SUSD6: variants seen among roughly 807,000 people sequenced by gnomAD.
SUSD6 encodes the protein sushi domain-containing protein 6.
In SUSD6, 16 loss-of-function variants were observed where a neutral mutation model predicts 28.4. The observed-to-expected ratio is 0.56, with a 90% CI of 0.38 to 0.86. The LOEUF is 0.86. Among genes scored for constraint, SUSD6 ranks in the 40% least tolerant of loss-of-function variants. The probability of loss-of-function intolerance (pLI) is 0.00; values close to 1 mark genes in which losing one functional copy is unlikely to be tolerated. For synonymous variants in SUSD6, 147 were observed against 159.6 expected (o/e 0.92, Z 0.59); for missense variants, 341 against 384.2 (o/e 0.89, Z 0.94).
chr14:69,638,802 G>A (rs1885303773), intron 1 of SUSD6, among the ~76,000 whole-genome samples: 1 of 152,144 alleles, frequency 6.6e-6, no homozygotes, highest in African/African-American at 2.4e-5. Flanking sequence ...AGGCAAGACA[G>A]GGGCTAGTCA....
intron 2 of SUSD6, among the ~76,000 whole-genome samples, chr14:69,661,260 G>A (rs1232159399): frequency 6.6e-6 from 1 of 152,034 alleles, no homozygotes; most frequent in East Asian, 1.9e-4. Flanking sequence ...CCTCCCTTTT[G>A]TTGGCTTCAT....
intron 5 of SUSD6, 92 bp from the exon 6 acceptor site, chr14:69,710,862 T>TC (rs1886451788): frequency 3.6e-5 from 44 of 1,214,356 alleles, no homozygotes; most frequent in Non-Finnish European, 4.9e-5. Flanking sequence ...TTAGGGGCTA[T>TC]GTAGGATAGC....
rs1450133271 is a variant in SUSD6 at position 69,642,443 on chromosome 14, G to A, written c.-80-16070G>A. Among the ~76,000 whole-genome samples the A allele has an allele frequency of 2.0e-5, 3 of 152,254 alleles. No individual in the cohort carries two copies. The East Asian group carries it at 5.8e-4, about 29-fold the overall frequency. The stretch of plus-strand genomic sequence containing the variant: ...CAAGACTGGGAAGAAAAAGAGGTTT[G>A]ATTGGACTTACAGTTCCACATGGCT... On this transcript the variant is annotated intron_variant, in intron 1 of 5. Transcript: ENST00000342745.
chr14:69,630,689 GA>G (rs3837665), intron 1 of SUSD6, among the ~76,000 whole-genome samples: 4,278 of 151,294 alleles, frequency 0.028, 77 homozygotes, highest in Middle Eastern at 0.068. Context: ...AAAAAAAAAA[GA>G]AAAAAACCTC....
intron 1 of SUSD6, among the ~76,000 whole-genome samples, chr14:69,655,964 T>A (rs1885576190): frequency 6.6e-6 from 1 of 152,148 alleles, no homozygotes; most frequent in Admixed American, 6.5e-5. Context: ...CTGTTTAGAA[T>A]CCTTGTAAGG....
rs1886458769 is a variant in SUSD6, at chr14:69,711,247, G to C, written c.*268G>C. 2 of 526,820 alleles carry C rather than the reference G, an allele frequency of 3.8e-6. No individual in the cohort carries two copies. Among genetic ancestry groups the C allele is most frequent in the Admixed American group, 3.3e-5 (1 of 29,854 alleles). The allele number at this position is 526,820 out of a possible 1,614,324, so 32.6% of individuals were successfully genotyped here. On this transcript the variant is annotated 3_prime_UTR_variant, in exon 6 of 6. Transcript: ENST00000342745. ...GTCAGAGACATATTTGAATGTGCTGGATCAAACCCTCCCTTTTCCTAAGCC... is the reference window on the plus strand; with the variant it reads ...GTCAGAGACATATTTGAATGTGCTGCATCAAACCCTCCCTTTTCCTAAGCC...
chr14:69,632,371 C>T (rs1415499963), intron 1 of SUSD6, among the ~76,000 whole-genome samples: 2 of 152,124 alleles, frequency 1.3e-5, no homozygotes, highest in African/African-American at 4.8e-5. Flanking sequence ...TCTCATCCCT[C>T]CTCCCTCAGT....
chr14:69,687,023 G>A (rs953112391), intron 2 of SUSD6, among the ~76,000 whole-genome samples: 3 of 152,124 alleles, frequency 2.0e-5, no homozygotes, highest in African/African-American at 7.2e-5. Flanking sequence ...TGCCCAGGCC[G>A]GAGTGCAGTG....
rs949931322 is a variant in SUSD6, at chr14:69,711,029, C to T, written c.*50C>T. 3.1e-6 allele frequency: 5 copies of T among 1,599,180 alleles called. No homozygotes were observed. The highest frequency in any genetic ancestry group is 3.3e-5 in the Admixed American group (2 of 59,974). On this transcript the variant is annotated 3_prime_UTR_variant, in exon 6 of 6. Coordinates refer to ENST00000342745, the MANE Select transcript of SUSD6 (RefSeq NM_014734.4). Reference sequence around the variant, plus strand: ...TGCGAGGTTCTCTCAGCCCTTCCTCCCTCTCCCTGTGGGATTGAGCACCCT... The same window carrying T: ...TGCGAGGTTCTCTCAGCCCTTCCTCTCTCTCCCTGTGGGATTGAGCACCCT...
chr14:69,625,764 A>G (rs1167773655), intron 1 of SUSD6, among the ~76,000 whole-genome samples: 3 of 151,584 alleles, frequency 2.0e-5, no homozygotes, highest in Non-Finnish European at 4.4e-5. Flanking sequence ...ACTCTTTACC[A>G]CTCCCCTCGT....
At chr14:69,649,598 C>T (rs1261169157) in intron 1 of SUSD6, among the ~76,000 whole-genome samples, 1 of 152,002 alleles carries the variant, frequency 6.6e-6, no homozygotes, top group African/African-American at 2.4e-5. Context: ...CTCATTCACT[C>T]GAGAAGTATT....
chr14:69,688,619 C>T (rs1255620873), intron 2 of SUSD6, among the ~76,000 whole-genome samples: 1 of 152,180 alleles, frequency 6.6e-6, no homozygotes, highest in East Asian at 1.9e-4. Context: ...TCTTTCCTGT[C>T]CCCTCTCACC....
At chr14:69,621,727 T>C (rs974124632) in intron 1 of SUSD6, among the ~76,000 whole-genome samples, 1 of 152,204 alleles carries the variant, frequency 6.6e-6, no homozygotes, top group African/African-American at 2.4e-5. Context: ...AGTTAACACT[T>C]TTCTCTTTGT....
At chr14:69,701,932 A>G (rs1347503717) in intron 2 of SUSD6, among the ~76,000 whole-genome samples, 1 of 151,840 alleles carries the variant, frequency 6.6e-6, no homozygotes, top group Non-Finnish European at 1.5e-5. Flanking sequence ...TTTGGTGTCC[A>G]CTCCCCAACC....
chr14:69,710,873 C>T lies in SUSD6; in HGVS notation c.887-81C>T. ...TAAATTAGGGGCTATGTAGGATAGC[C>T]CCTAAGTTGCAGTGGGGTCGAGAGT... On this transcript the variant is annotated intron_variant, in intron 5 of 5. Transcript: ENST00000342745. The T allele has an allele frequency of 2.3e-6, 3 of 1,317,898 alleles. No homozygotes were observed. The South Asian group carries it at 3.5e-5, about 15-fold the overall frequency. 81.6% of individuals were successfully genotyped at this position (1,317,898 alleles called of 1,614,324 possible). A position where few individuals can be genotyped will look rare whatever the true frequency, so the allele number is the denominator to read the frequency against.
At chr14:69,634,451 A>C (rs1160869611) in intron 1 of SUSD6, among the ~76,000 whole-genome samples, 1 of 152,244 alleles carries the variant, frequency 6.6e-6, no homozygotes, top group East Asian at 1.9e-4. Flanking sequence ...TCTTGCATGA[A>C]ATTAAAAGCA....
rs1044218929 is a variant in SUSD6, at chr14:69,712,050, T to TCC, written c.*1074_*1075dup. 1.3e-5 allele frequency: 2 copies of TCC among 152,290 alleles called. No individual in the cohort carries two copies. Among genetic ancestry groups the TCC allele is most frequent in the Non-Finnish European group, 2.9e-5 (2 of 68,126 alleles). 9.4% of individuals were successfully genotyped at this position (152,290 alleles called of 1,614,324 possible). A position where few individuals can be genotyped will look rare whatever the true frequency, so the allele number is the denominator to read the frequency against. The stretch of plus-strand genomic sequence containing the variant: ...GGGAGGCCGAGAGGCACAGACCAAG[T>TCC]CCCCGGGTGGCTGCAGGCAGCTCCA... On this transcript the variant is annotated 3_prime_UTR_variant, in exon 6 of 6. Coordinates refer to ENST00000342745, the MANE Select transcript of SUSD6 (RefSeq NM_014734.4).
Position 69,709,174 on chromosome 14 carries a change from G to A in SUSD6, c.886+70G>A. 2.3e-6 allele frequency: 3 copies of A among 1,332,980 alleles called. No individual in the cohort carries two copies. The South Asian group carries it at 4.3e-5, about 19-fold the overall frequency. 82.6% of individuals were successfully genotyped at this position (1,332,980 alleles called of 1,614,324 possible). ...CTTGCTGGGAGTGAGGAAGGACTGTGAGCCTTTCTAAATAATTGGTATATT... is the reference window on the plus strand; with the variant it reads ...CTTGCTGGGAGTGAGGAAGGACTGTAAGCCTTTCTAAATAATTGGTATATT... On this transcript the variant is annotated intron_variant, in intron 5 of 5. Coordinates refer to ENST00000342745, the MANE Select transcript of SUSD6 (RefSeq NM_014734.4).
At chr14:69,705,993 T>C (rs533116962) in intron 4 of SUSD6, among the ~76,000 whole-genome samples, 19 of 152,254 alleles carry the variant, frequency 1.2e-4, no homozygotes, top group Admixed American at 2.6e-4. Context: ...GTCACTGTTA[T>C]AACTCACAAA....
Sources: gnomAD v4.1 joint callset for allele counts (sites outside exome capture counted in the v4.1 genomes callset) on GRCh38, gnomAD v4.1.1 for gene constraint, MANE v1.5 for transcripts, NCBI Gene and HGNC (gene_info 2026-07-23, HGNC 2026-07-21) for gene names.